The following GRM1 variants were observed in gnomAD, a reference collection of about 807,000 sequenced individuals.
GRM1 encodes glutamate metabotropic receptor 1.
Under a neutral mutation model 90.9 loss-of-function variants are expected in GRM1, and 33 were observed. The observed-to-expected ratio is 0.36, with a 90% CI of 0.28 to 0.49. The LOEUF is 0.49. Ranked by LOEUF, GRM1 falls within the 20% of genes least tolerant of loss-of-function variation. The probability of loss-of-function intolerance (pLI) is 0.99; values close to 1 mark genes in which losing one functional copy is unlikely to be tolerated. For synonymous variants in GRM1, 700 were observed against 613.2 expected, an observed-to-expected ratio of 1.14 and a Z score of -2.09; for missense variants, 1,190 against 1,534.3, an observed-to-expected ratio of 0.78 and a Z score of 3.75.
chr6:146,187,936 T>G lies in GRM1; in HGVS notation c.950+28339T>G, dbSNP rs1778795093. On this transcript the variant is annotated intron_variant, in intron 2 of 7. Transcript: ENST00000282753. ...ATAGTTGTTTATTTATTATTATTTA[T>G]GTTCTATTTACTGTTAAAAACTGAA... is the stretch of plus-strand genomic sequence containing the variant. Among the ~76,000 whole-genome samples the G allele has an allele frequency of 2.0e-5, 3 of 152,118 alleles. No individual in the cohort carries two copies. In the South Asian group the frequency reaches 6.2e-4, roughly 31 times the overall value.
At chr6:146,405,321 C>A (rs142717640) in intron 7 of GRM1, among the ~76,000 whole-genome samples, 1 of 152,134 alleles carries the variant, frequency 6.6e-6, no homozygotes, top group East Asian at 1.9e-4. Flanking sequence ...CCGGGAAGAA[C>A]AAACATTAGG....
At chr6:146,050,856 T>C (rs1269851990) in intron 1 of GRM1, among the ~76,000 whole-genome samples, 2 of 152,068 alleles carry the variant, frequency 1.3e-5, no homozygotes, top group Non-Finnish European at 2.9e-5. Flanking sequence ...GCTCATTTGA[T>C]TGGACCAAAT....
chr6:146,395,069 C>A (rs1337198303), intron 6 of GRM1, among the ~76,000 whole-genome samples: 2 of 151,940 alleles, frequency 1.3e-5, no homozygotes, highest in African/African-American at 4.8e-5. Context: ...TCAAATGAAA[C>A]TTCTGCTTGA....
At chr6:146,351,929 A>C (rs578023594) in intron 3 of GRM1, among the ~76,000 whole-genome samples, 8 of 152,368 alleles carry the variant, frequency 5.3e-5, no homozygotes, top group African/African-American at 1.9e-4. Context: ...GTGAACAAAG[A>C]GGGAGTAAGA....
At chr6:146,165,711 A>T (rs1444374284) in intron 2 of GRM1, among the ~76,000 whole-genome samples, 4 of 152,148 alleles carry the variant, frequency 2.6e-5, no homozygotes, top group African/African-American at 9.7e-5. Context: ...ACACTGCTAG[A>T]AAAAGACTGA....
At position 146,289,314 on chromosome 6, in the gene GRM1, G is replaced by A. The variant is rs557663037; in HGVS notation, c.951-15297G>A. ...TAAACCTAGGCTCATGGGTTTGTTC[G>A]TTTTCATTTTTAACAAAAAAGATTA... On this transcript the variant is annotated intron_variant, in intron 2 of 7. Coordinates refer to ENST00000282753, the MANE Select transcript of GRM1 (RefSeq NM_001278064.2). 1.3e-4 allele frequency among the ~76,000 whole-genome samples: 20 copies of A among 152,008 alleles called. No homozygotes were observed. The East Asian group carries it at 3.3e-3, about 25-fold the overall frequency.
chr6:146,260,420 G>T (rs1423438811), intron 2 of GRM1, among the ~76,000 whole-genome samples: 2 of 152,064 alleles, frequency 1.3e-5, no homozygotes, highest in East Asian at 3.9e-4. Flanking sequence ...ATTTGGGTTG[G>T]TTCCAAGTCT....
intron 2 of GRM1, among the ~76,000 whole-genome samples, chr6:146,189,046 C>A (rs1778843385): frequency 6.6e-6 from 1 of 152,124 alleles, no homozygotes; most frequent in Non-Finnish European, 1.5e-5. Context: ...GAAGCTAAAC[C>A]AATATGCACA....
intron 2 of GRM1, among the ~76,000 whole-genome samples, chr6:146,186,184 G>A (rs2114564189): frequency 6.7e-6 from 1 of 150,030 alleles, no homozygotes; most frequent in South Asian, 2.1e-4. Flanking sequence ...CACCATGTTG[G>A]CCAAGCTGGT....
intron 2 of GRM1, among the ~76,000 whole-genome samples, chr6:146,283,773 A>G (rs1269606150): frequency 6.6e-6 from 1 of 152,192 alleles, no homozygotes; most frequent in East Asian, 1.9e-4. Flanking sequence ...GCCCAAGGTC[A>G]CAGAACTGGA....
Position 146,122,029 on chromosome 6 carries a change from G to A in GRM1, c.701-37319G>A, listed in dbSNP as rs529233157. Among the ~76,000 whole-genome samples the A allele has an allele frequency of 3.9e-5, 6 of 152,176 alleles. No individual in the cohort carries two copies. The South Asian group carries it at 1.2e-3, about 32-fold the overall frequency. ...GTTGATCCGTCTAATATTGACAGTG[G>A]GGTGTTAAAGTCTCCCATTATTATT... On this transcript the variant is annotated intron_variant, in intron 1 of 7. Transcript: ENST00000282753.
intron 7 of GRM1, among the ~76,000 whole-genome samples, chr6:146,414,470 C>G (rs1353376928): frequency 6.6e-6 from 1 of 151,652 alleles, no homozygotes; most frequent in Non-Finnish European, 1.5e-5. Flanking sequence ...GTGGCACGAT[C>G]TCGGCGCACT....
intron 1 of GRM1, among the ~76,000 whole-genome samples, chr6:146,150,251 GAAAC>G (rs1777274794): frequency 6.6e-6 from 1 of 151,972 alleles, no homozygotes; most frequent in Non-Finnish European, 1.5e-5. Context: ...GAATAAAGAG[GAAAC>G]AAACAAATTT....
intron 1 of GRM1, among the ~76,000 whole-genome samples, chr6:146,064,666 T>A (rs2128855748): frequency 6.6e-6 from 1 of 151,792 alleles, no homozygotes; most frequent in Non-Finnish European, 1.5e-5. Context: ...GTTCTTTTTT[T>A]TTTTCCCCCA....
intron 2 of GRM1, among the ~76,000 whole-genome samples, chr6:146,196,034 T>C (rs552671088): frequency 6.6e-6 from 1 of 152,342 alleles, no homozygotes; most frequent in African/African-American, 2.4e-5. Context: ...TGAACAAAGG[T>C]ATCCCAGTTT....
At chr6:146,250,689 G>A (rs1781238064) in intron 2 of GRM1, among the ~76,000 whole-genome samples, 2 of 152,214 alleles carry the variant, frequency 1.3e-5, no homozygotes, top group Non-Finnish European at 2.9e-5. Flanking sequence ...CTGAGTCACA[G>A]ATAAGTAAAA....
chr6:146,433,204 A>C (rs1204061396), intron 7 of GRM1, among the ~76,000 whole-genome samples: 1 of 152,212 alleles, frequency 6.6e-6, no homozygotes, highest in African/African-American at 2.4e-5. Flanking sequence ...TATGTGTGAG[A>C]AATAATGCAT....
chr6:146,102,435 T>G (rs2128870886), intron 1 of GRM1, among the ~76,000 whole-genome samples: 1 of 152,328 alleles, frequency 6.6e-6, no homozygotes, highest in South Asian at 2.1e-4. Context: ...CTAAACTTCC[T>G]TCTCCTCCTG....
At chr6:146,083,558 C>A (rs898905923) in intron 1 of GRM1, among the ~76,000 whole-genome samples, 5 of 152,116 alleles carry the variant, frequency 3.3e-5, no homozygotes, top group Non-Finnish European at 7.3e-5. Flanking sequence ...CATGTTGAAC[C>A]AGCCTTGCAT....
Sources: allele counts gnomAD v4.1 joint callset (sites outside exome capture counted in the v4.1 genomes callset), GRCh38; gene constraint gnomAD v4.1.1; transcripts MANE v1.5; gene names NCBI Gene and HGNC (gene_info 2026-07-23, HGNC 2026-07-21).